The following CPNE5 variants were observed in gnomAD, a reference collection of about 807,000 sequenced individuals.
The protein encoded by CPNE5 is copine-5.
In CPNE5, 42 loss-of-function variants were observed where a neutral mutation model predicts 81.1. The observed-to-expected ratio is 0.52, with a 90% CI of 0.40 to 0.67. The LOEUF is 0.67. Among genes scored for constraint, CPNE5 ranks in the 30% least tolerant of loss-of-function variants. The pLI, the probability that CPNE5 is intolerant of heterozygous loss-of-function variation, is 0.00. For missense variants in CPNE5, 612 were observed against 815.5 expected, an observed-to-expected ratio of 0.75 and a Z score of 3.04; for synonymous variants, 313 against 321.5, an observed-to-expected ratio of 0.97 and a Z score of 0.28.
At chr6:36,777,760 C>G (rs867094765) in intron 9 of CPNE5, among the ~76,000 whole-genome samples, 3 of 34,476 alleles carry the variant, frequency 8.7e-5, no homozygotes, top group African/African-American at 2.6e-4. Context: ...CCTACCCCCC[C>G]CCCCACCACA....
intron 3 of CPNE5, among the ~76,000 whole-genome samples, chr6:36,819,260 C>G (rs879277496): frequency 6.6e-6 from 1 of 152,162 alleles, no homozygotes; most frequent in African/African-American, 2.4e-5. Context: ...GGGCCACACC[C>G]AGCTAATTTT....
At chr6:36,765,259 C>T in intron 11 of CPNE5, 76 bp downstream of exon 11, 1 of 1,537,202 alleles carries the variant, frequency 6.5e-7, no homozygotes, top group South Asian at 1.1e-5. Flanking sequence ...GGTCACAGCT[C>T]CGCATGGGAG....
chr6:36,838,412 G>C (rs748748285), intron 1 of CPNE5, among the ~76,000 whole-genome samples: 3 of 152,228 alleles, frequency 2.0e-5, no homozygotes, highest in Non-Finnish European at 4.4e-5. Flanking sequence ...GACTGAACTA[G>C]GGAAAAATCC....
chr6:36,789,292 C>T (rs1362951598), intron 8 of CPNE5, among the ~76,000 whole-genome samples: 1 of 152,106 alleles, frequency 6.6e-6, no homozygotes, highest in African/African-American at 2.4e-5. Context: ...GTAGGGAGGA[C>T]TGGGGAAGAA....
rs1764133284 is a variant in CPNE5, at chr6:36,746,134, C to CCACCTG, written c.1200+256_1200+261dup. ...GGGATGGGTCAGCCACAGCTCGCCTCCACCTGCACCTGCGTCTTGTCAGGA... is the reference window on the plus strand; with the variant it reads ...GGGATGGGTCAGCCACAGCTCGCCTCCACCTGCACCTGCACCTGCGTCTTGTCAGGA... On this transcript the variant is annotated intron_variant, in intron 16 of 20. Coordinates refer to ENST00000244751, the MANE Select transcript of CPNE5 (RefSeq NM_020939.2). The surrounding 1 kb of genome is among the most constrained non-coding windows in gnomAD (Gnocchi z 4.5). The CCACCTG allele has an allele frequency of 1.0e-6, 1 of 984,872 alleles. No homozygotes were observed. The highest frequency in any genetic ancestry group is 1.7e-5 in the African/African-American group (1 of 57,182). The allele number at this position is 984,872 out of a possible 1,614,324, so 61.0% of individuals were successfully genotyped here. A position where few individuals can be genotyped will look rare whatever the true frequency, so the allele number is the denominator to read the frequency against.
intron 8 of CPNE5, among the ~76,000 whole-genome samples, chr6:36,787,443 A>G (rs236411): frequency 0.3 from 45,726 of 151,556 alleles, 7,609 homozygotes; most frequent in African/African-American, 0.42. Context: ...TTCCCCAGGT[A>G]ACTGGAAGGG....
At chr6:36,752,316 A>T (rs1043769467) in intron 14 of CPNE5, among the ~76,000 whole-genome samples, 1 of 152,252 alleles carries the variant, frequency 6.6e-6, no homozygotes, top group East Asian at 1.9e-4. Flanking sequence ...CCTTAGAGCC[A>T]GGCTCTTTCC....
chr6:36,762,911 C>A lies in CPNE5; in HGVS notation c.855+6G>T, dbSNP rs1766193137. 6.2e-7 allele frequency: 1 copy of A among 1,613,816 alleles called. No individual in the cohort carries two copies. The highest frequency in any genetic ancestry group is 8.5e-7 in the Non-Finnish European group (1 of 1,179,672). On this transcript the variant is annotated splice_donor_region_variant and intron_variant, in intron 12 of 20. Transcript: ENST00000244751. ...GCAAACCCTGGATTTCGGGTGCCCA[C>A]CTCACCTCATAGATGTTGAATTGGC...
At position 36,746,260 on chromosome 6, in the gene CPNE5, C is replaced by T; in HGVS notation, c.1200+136G>A. 1 of 1,427,808 alleles carries T rather than the reference C, an allele frequency of 7.0e-7. No homozygotes were observed. The highest frequency in any genetic ancestry group is 1.5e-5 in the South Asian group (1 of 66,714). 88.4% of individuals were successfully genotyped at this position (1,427,808 alleles called of 1,614,324 possible). A position where few individuals can be genotyped will look rare whatever the true frequency, so the allele number is the denominator to read the frequency against. Reference sequence around the variant, plus strand: ...TGGATTTCTGGAGCCCCCCTACACACAGCAGGCAGTCTACCTCCACTGAGG... The same window carrying T: ...TGGATTTCTGGAGCCCCCCTACACATAGCAGGCAGTCTACCTCCACTGAGG... On this transcript the variant is annotated intron_variant, in intron 16 of 20. Coordinates refer to ENST00000244751, the MANE Select transcript of CPNE5 (RefSeq NM_020939.2). The surrounding 1 kb of genome is among the most constrained non-coding windows in gnomAD (Gnocchi z 4.5).
At chr6:36,789,654 A>T (rs561406314) in intron 8 of CPNE5, among the ~76,000 whole-genome samples, 1 of 152,332 alleles carries the variant, frequency 6.6e-6, no homozygotes, top group African/African-American at 2.4e-5. Context: ...GCTCTGTTCC[A>T]CAGGGCAACC....
Position 36,839,193 on chromosome 6 carries a change from G to T in CPNE5, c.95+90C>A. ...GAGACCAGGACACTCTGGGAAGGGGGCGCGCGGAGGTTTAGGATCGAAGCG... is the reference window on the plus strand; with the variant it reads ...GAGACCAGGACACTCTGGGAAGGGGTCGCGCGGAGGTTTAGGATCGAAGCG... On this transcript the variant is annotated intron_variant, in intron 1 of 20. Coordinates refer to ENST00000244751, the MANE Select transcript of CPNE5 (RefSeq NM_020939.2). This position sits in a 1 kb window ranked among gnomAD's most constrained non-coding sequence, Gnocchi z 7.3. 1 of 920,180 alleles carries T rather than the reference G, an allele frequency of 1.1e-6. No homozygotes were observed. The allele number at this position is 920,180 out of a possible 1,614,324, so 57.0% of individuals were successfully genotyped here.
intron 8 of CPNE5, among the ~76,000 whole-genome samples, chr6:36,790,112 C>A (rs953544222): frequency 6.6e-6 from 1 of 152,036 alleles, no homozygotes; most frequent in East Asian, 1.9e-4. Flanking sequence ...GACCTTGGAC[C>A]GATCAATTAA....
chr6:36,834,254 C>CAAAAAAAAAAAAAAAA (rs1157250827), intron 1 of CPNE5, among the ~76,000 whole-genome samples: 1 of 21,684 alleles, frequency 4.6e-5, no homozygotes, highest in Non-Finnish European at 6.4e-5. Flanking sequence ...GACTGTATCT[C>CAAAAAAAAAAAAAAAA]AAAAAAAAAA....
chr6:36,800,040 G>A lies in CPNE5; in HGVS notation c.214C>T (p.Leu72Phe). 1.2e-6 allele frequency: 2 copies of A among 1,613,896 alleles called. No homozygotes were observed. The highest frequency in any genetic ancestry group is 1.7e-6 in the Non-Finnish European group (2 of 1,179,980). The change falls in exon 4 of 21, where the codon CTC (leucine) becomes TTC (phenylalanine). Residue 72 changes from leucine to phenylalanine, a missense_variant. Leu to Phe is a conservative substitution (Grantham distance 22). Transcript: ENST00000244751. Reference sequence around the variant, plus strand: ...AACTTGCGCACGAAGTCAGGATTGAGCGTGTTGTCGATGACTTCGGTGCGC... The same window carrying A: ...AACTTGCGCACGAAGTCAGGATTGAACGTGTTGTCGATGACTTCGGTGCGC... ...FGRTEVIDNT[L>F]NPDFVRKFIV...
intron 1 of CPNE5, among the ~76,000 whole-genome samples, chr6:36,838,486 G>A (rs889756890): frequency 6.6e-6 from 1 of 152,210 alleles, no homozygotes; most frequent in Non-Finnish European, 1.5e-5. Context: ...AGAACCTGGG[G>A]TCGACCCAGC....
At chr6:36,758,968 G>A (rs1765755261) in intron 12 of CPNE5, among the ~76,000 whole-genome samples, 1 of 152,236 alleles carries the variant, frequency 6.6e-6, no homozygotes, top group African/African-American at 2.4e-5. Context: ...AGCTTAAGTA[G>A]GCAAGCTGTT....
chr6:36,781,402 CTT>C (rs74784841), intron 8 of CPNE5, among the ~76,000 whole-genome samples: 36,334 of 152,050 alleles, frequency 0.24, 4,742 homozygotes, highest in African/African-American at 0.34. Flanking sequence ...CAAAATAACT[CTT>C]GTTTCCCTAT....
intron 1 of CPNE5, chr6:36,827,315 C>T: frequency 6.1e-6 from 6 of 985,384 alleles, no homozygotes; most frequent in Non-Finnish European, 7.2e-6. Flanking sequence ...TCAGAGCCTG[C>T]TAAACCTCCT....
chr6:36,779,206 G>T (rs750993464), intron 8 of CPNE5, among the ~76,000 whole-genome samples: 1 of 152,200 alleles, frequency 6.6e-6, no homozygotes, highest in Non-Finnish European at 1.5e-5. Flanking sequence ...TGTGAACTTG[G>T]GCAAGGTAGG....
Sources: gnomAD v4.1 joint callset for allele counts (sites outside exome capture counted in the v4.1 genomes callset) on GRCh38, gnomAD v4.1.1 for gene constraint, Gnocchi (gnomAD v3.1) non-coding constraint, MANE v1.5 for transcripts, NCBI Gene and HGNC (gene_info 2026-07-23, HGNC 2026-07-21) for gene names.